The following SUPT3H variants were observed in gnomAD, a reference collection of about 807,000 sequenced individuals.
The protein encoded by SUPT3H is SPT3 homolog, SAGA and STAGA complex component.
A neutral mutation model predicts 44.3 loss-of-function variants in SUPT3H; 44 were observed. The ratio of observed to expected loss-of-function variants is 0.99; its 90% CI spans 0.78 to 1.28. SUPT3H has a LOEUF of 1.28. SUPT3H is among the 50% of genes most tolerant of loss of function. SUPT3H has a pLI of 0.00. For missense variants in SUPT3H, 380 were observed against 387.1 expected, an observed-to-expected ratio of 0.98 and a Z score of 0.15; for synonymous variants, 124 against 125.6, an observed-to-expected ratio of 0.99 and a Z score of 0.09.
intron 1 of SUPT3H, 124 bp downstream of exon 1, chr6:45,377,644 C>G (rs1382020459): frequency 6.6e-6 from 1 of 152,240 alleles, no homozygotes; most frequent in African/African-American, 2.4e-5. Context: ...CGCCCTCGAG[C>G]CGGGGCCAGG....
chr6:44,863,354 TG>T (rs1177145394), intron 10 of SUPT3H, among the ~76,000 whole-genome samples: 1 of 152,160 alleles, frequency 6.6e-6, no homozygotes, highest in Non-Finnish European at 1.5e-5. Context: ...TAATGTGCTA[TG>T]GGGAAAAGAT....
chr6:44,838,678 A>C (rs1259895759), intron 10 of SUPT3H, among the ~76,000 whole-genome samples: 1 of 152,176 alleles, frequency 6.6e-6, no homozygotes. Context: ...GGTCCGAGAT[A>C]CTCATAAGCA....
At chr6:44,937,806 GT>G (rs1305431947) in intron 9 of SUPT3H, among the ~76,000 whole-genome samples, 1 of 149,562 alleles carries the variant, frequency 6.7e-6, no homozygotes, top group East Asian at 2.0e-4. Context: ...TTGTTTAGCT[GT>G]TTGAGTTCCT....
At chr6:45,343,894 A>G (rs1454254433) in intron 2 of SUPT3H, among the ~76,000 whole-genome samples, 1 of 152,148 alleles carries the variant, frequency 6.6e-6, no homozygotes, top group African/African-American at 2.4e-5. Context: ...TTAGCCATCA[A>G]AGACCTCCAC....
intron 2 of SUPT3H, among the ~76,000 whole-genome samples, chr6:45,236,133 G>A (rs1769065021): frequency 7.5e-5 from 3 of 39,972 alleles, no homozygotes; most frequent in Admixed American, 4.8e-4. Context: ...TCTGAAGGCT[G>A]TGAGTCCCGA....
At position 44,985,216 on chromosome 6, in the gene SUPT3H, TAAAATA is replaced by T. The variant is rs764087049; in HGVS notation, c.504+18431_504+18436del. ...ATAAATAAATAAATAAATAAATAAA[TAAAATA>T]AAATAAAATAAAATAAATAAATAAA... On this transcript the variant is annotated intron_variant, in intron 6 of 10. Transcript: ENST00000371459. Among the ~76,000 whole-genome samples, 85 of 122,044 alleles carry T rather than the reference TAAAATA, an allele frequency of 7.0e-4. 1 individual carries two copies. The highest frequency in any genetic ancestry group is 2.1e-3 in the South Asian group (7 of 3,316). The allele number at this position is 122,044 out of a possible 152,430, so 80.1% of individuals were successfully genotyped here.
chr6:45,043,256 T>C (rs1444654440), intron 3 of SUPT3H, among the ~76,000 whole-genome samples: 1 of 152,160 alleles, frequency 6.6e-6, no homozygotes, highest in Non-Finnish European at 1.5e-5. Flanking sequence ...AATTTTGTTT[T>C]GTTCTCCATG....
At chr6:44,972,763 ACT>A (rs1371289900) in intron 6 of SUPT3H, among the ~76,000 whole-genome samples, 2 of 152,038 alleles carry the variant, frequency 1.3e-5, no homozygotes, top group Admixed American at 1.3e-4. Flanking sequence ...GCTCCCACAG[ACT>A]CAACACCATG....
chr6:45,020,777 A>G, intron 3 of SUPT3H, 145 bp from the exon 4 acceptor site: 1 of 509,250 alleles, frequency 2.0e-6, no homozygotes, highest in Non-Finnish European at 3.5e-6. Context: ...TTTTAAGAGT[A>G]AAATGTCTTA....
intron 2 of SUPT3H, among the ~76,000 whole-genome samples, chr6:45,155,996 T>A (rs1807755364): frequency 6.6e-6 from 1 of 152,244 alleles, no homozygotes; most frequent in South Asian, 2.1e-4. Flanking sequence ...GCCAAACTCA[T>A]TACCTCTTAG....
At chr6:45,015,539 T>C (rs921567919) in intron 4 of SUPT3H, among the ~76,000 whole-genome samples, 3 of 152,048 alleles carry the variant, frequency 2.0e-5, no homozygotes, top group Admixed American at 6.6e-5. Flanking sequence ...ACACTTAGGC[T>C]ACACTACATT....
At chr6:45,087,206 A>C (rs1796580547) in intron 3 of SUPT3H, among the ~76,000 whole-genome samples, 1 of 151,930 alleles carries the variant, frequency 6.6e-6, no homozygotes, top group Non-Finnish European at 1.5e-5. Context: ...GAACTACTAT[A>C]CTGCATTATT....
At chr6:44,862,138 T>C (rs1197524759) in intron 10 of SUPT3H, among the ~76,000 whole-genome samples, 1 of 152,116 alleles carries the variant, frequency 6.6e-6, no homozygotes, top group Non-Finnish European at 1.5e-5. Context: ...CTTTAAGCAT[T>C]TCAAAATGTT....
chr6:44,905,738 C>T lies in SUPT3H; in HGVS notation c.912+26915G>A, dbSNP rs1198612315. On this transcript the variant is annotated intron_variant, in intron 10 of 10. Coordinates refer to ENST00000371459, the MANE Select transcript of SUPT3H (RefSeq NM_003599.4). Reference sequence around the variant, plus strand: ...ATGCACATGTATGTTTATTGCGGCACTATTCACAATAGCAAAGACTTGGAA... The same window carrying T: ...ATGCACATGTATGTTTATTGCGGCATTATTCACAATAGCAAAGACTTGGAA... Among the ~76,000 whole-genome samples the T allele has an allele frequency of 3.3e-5, 5 of 152,294 alleles. No individual in the cohort carries two copies. The East Asian group carries it at 7.7e-4, about 23-fold the overall frequency.
At chr6:45,141,280 C>T (rs569707039) in intron 2 of SUPT3H, among the ~76,000 whole-genome samples, 2 of 118,960 alleles carry the variant, frequency 1.7e-5, no homozygotes, top group Non-Finnish European at 1.6e-5. Context: ...GCGAAGGTTG[C>T]AGTGAGCTGG....
At chr6:45,217,444 C>G (rs969711838) in intron 2 of SUPT3H, among the ~76,000 whole-genome samples, 1 of 151,398 alleles carries the variant, frequency 6.6e-6, no homozygotes, top group African/African-American at 2.4e-5. Flanking sequence ...AACTGCACTC[C>G]AGCCTGGGCG....
intron 2 of SUPT3H, among the ~76,000 whole-genome samples, chr6:45,204,363 G>A (rs1357084094): frequency 1.3e-5 from 2 of 152,052 alleles, no homozygotes; most frequent in African/African-American, 2.4e-5. Context: ...TAACTGCTAA[G>A]GTGAGAAGAA....
At chr6:45,217,595 T>C (rs901751613) in intron 2 of SUPT3H, among the ~76,000 whole-genome samples, 1 of 151,918 alleles carries the variant, frequency 6.6e-6, no homozygotes, top group Non-Finnish European at 1.5e-5. Flanking sequence ...TCAAAAATAC[T>C]ATATATTTTA....
intron 6 of SUPT3H, among the ~76,000 whole-genome samples, chr6:44,982,258 C>T (rs1779201131): frequency 6.6e-6 from 1 of 152,120 alleles, no homozygotes; most frequent in Admixed American, 6.5e-5. Flanking sequence ...GAGTCTCGCT[C>T]TGTCGCCCAG....
Sources: allele counts gnomAD v4.1 joint callset (sites outside exome capture counted in the v4.1 genomes callset), GRCh38; gene constraint gnomAD v4.1.1; transcripts MANE v1.5; gene names NCBI Gene and HGNC (gene_info 2026-07-23, HGNC 2026-07-21).